Variants in RAB3GAP1 observed in about 807,000 individuals in gnomAD.
RAB3GAP1 encodes RAB3 GTPase activating protein catalytic subunit 1.
Under a neutral mutation model 130.7 loss-of-function variants are expected in RAB3GAP1, and 86 were observed. The ratio of observed to expected loss-of-function variants is 0.66; its 90% CI spans 0.55 to 0.79. The LOEUF (loss-of-function observed/expected upper bound fraction) is 0.79. RAB3GAP1 is among the 30% of genes least tolerant of loss of function. The probability of loss-of-function intolerance (pLI) is 0.00; values close to 1 mark genes in which losing one functional copy is unlikely to be tolerated. For missense variants in RAB3GAP1, 1,029 were observed against 1,169.4 expected (o/e 0.88, Z 1.75); for synonymous variants, 367 against 401.7 (o/e 0.91, Z 1.03).
chr2:135,127,835 T>C (rs1263686739), intron 11 of RAB3GAP1, among the ~76,000 whole-genome samples: 16 of 152,238 alleles, frequency 1.1e-4, no homozygotes, highest in Admixed American at 9.8e-4. Context: ...GATAATATTA[T>C]TGTGTCTTAT....
chr2:135,058,193 A>G, intron 3 of RAB3GAP1, 107 bp downstream of exon 3: 1 of 930,714 alleles, frequency 1.1e-6, no homozygotes, highest in Non-Finnish European at 1.7e-6. Context: ...TTTTAAAGTT[A>G]CGTATAATCT....
chr2:135,144,995 C>G (rs1223889892), intron 17 of RAB3GAP1, among the ~76,000 whole-genome samples: 1 of 152,118 alleles, frequency 6.6e-6, no homozygotes, highest in East Asian at 1.9e-4. Flanking sequence ...TGTAGAGTAA[C>G]AGTGGTTTAT....
chr2:135,116,716 T>C (rs1031917536), intron 7 of RAB3GAP1, among the ~76,000 whole-genome samples: 6 of 152,202 alleles, frequency 3.9e-5, no homozygotes, highest in Non-Finnish European at 8.8e-5. Context: ...TGATTTGTTA[T>C]GATGCCTGCC....
intron 23 of RAB3GAP1, 147 bp downstream of exon 23, chr2:135,164,843 G>T: frequency 1.5e-6 from 1 of 666,362 alleles, no homozygotes; most frequent in Admixed American, 2.1e-5. Context: ...AAGAAACAAT[G>T]ACTTCTGAGT....
At position 135,168,768 on chromosome 2, in the gene RAB3GAP1, C is replaced by T. The variant is rs1222487537; in HGVS notation, c.2933C>T (p.Thr978Ile). 20 of 1,610,874 alleles carry T rather than the reference C, an allele frequency of 1.2e-5. No homozygotes were observed. Among genetic ancestry groups the T allele is most frequent in the Non-Finnish European group, 1.7e-5 (20 of 1,177,024 alleles). The change falls in exon 24 of 24, where the codon ACT becomes ATT. Residue 978 changes from threonine (T) to isoleucine (I), a missense_variant. Thr to Ile is a moderately conservative substitution (Grantham distance 89). Coordinates refer to ENST00000264158, the MANE Select transcript of RAB3GAP1 (RefSeq NM_012233.3). ...FRLAGAFSSD[T>I]SFF ...CTTGCAGGTGCCTTTTCATCAGATACTTCCTTCTTCTGATTCTTCTAGCAT... is the reference window on the plus strand; with the variant it reads ...CTTGCAGGTGCCTTTTCATCAGATATTTCCTTCTTCTGATTCTTCTAGCAT...
intron 18 of RAB3GAP1, among the ~76,000 whole-genome samples, chr2:135,151,619 A>G (rs1407575659): frequency 2.0e-5 from 3 of 152,228 alleles, no homozygotes; most frequent in African/African-American, 7.2e-5. Flanking sequence ...TGCAAGTTCT[A>G]TACTGCCATG....
rs539285653 is a variant in RAB3GAP1 at position 135,081,083 on chromosome 2, A to G, written c.151-9915A>G. On this transcript the variant is annotated intron_variant, in intron 3 of 23. Coordinates refer to ENST00000264158, the MANE Select transcript of RAB3GAP1 (RefSeq NM_012233.3). ...AAATTTTGCCATGAAGCAAACGTTC[A>G]TTAGTGTTAAGACCATATTACGTAT... Among the ~76,000 whole-genome samples the G allele has an allele frequency of 3.9e-5, 6 of 152,046 alleles. No individual in the cohort carries two copies. In the East Asian group the frequency reaches 9.7e-4, roughly 25 times the overall value.
At chr2:135,137,185 A>G (rs758580218) in intron 17 of RAB3GAP1, 11 of 398,920 alleles carry the variant, frequency 2.8e-5, no homozygotes, top group Non-Finnish European at 3.9e-5. Flanking sequence ...TTGCATTCCA[A>G]TTTCATGTTG....
intron 3 of RAB3GAP1, among the ~76,000 whole-genome samples, chr2:135,063,075 C>A (rs1364260791): frequency 2.0e-5 from 3 of 152,076 alleles, no homozygotes; most frequent in Non-Finnish European, 4.4e-5. Flanking sequence ...GACATCCTTG[C>A]CCTCTTTAAA....
At position 135,091,818 on chromosome 2, in the gene RAB3GAP1, T is replaced by C. The variant is rs537043666; in HGVS notation, c.283+688T>C. Among the ~76,000 whole-genome samples the C allele has an allele frequency of 2.6e-5, 4 of 152,282 alleles. 1 individual carries two copies. The highest frequency in any genetic ancestry group is 9.6e-5 in the African/African-American group (4 of 41,574). ...TGTTAATAGGTCAAATCATCCAAAA[T>C]CTTCTGTCCTTAGATAAACTAGTGC... On this transcript the variant is annotated intron_variant, in intron 4 of 23. Coordinates refer to ENST00000264158, the MANE Select transcript of RAB3GAP1 (RefSeq NM_012233.3).
intron 3 of RAB3GAP1, among the ~76,000 whole-genome samples, chr2:135,084,764 G>C (rs913034922): frequency 6.6e-5 from 10 of 152,096 alleles, no homozygotes; most frequent in African/African-American, 2.4e-4. Context: ...GTTAAGTACC[G>C]GGGCTGCAAA....
intron 3 of RAB3GAP1, among the ~76,000 whole-genome samples, chr2:135,066,059 T>C (rs1197826249): frequency 1.3e-5 from 2 of 152,024 alleles, no homozygotes; most frequent in African/African-American, 4.8e-5. Context: ...AGGCGTGAGC[T>C]ACTGCACCCC....
At chr2:135,130,451 A>G (rs746756645) in intron 12 of RAB3GAP1, 101 bp from the exon 13 acceptor site, 168 of 1,018,590 alleles carry the variant, frequency 1.6e-4, no homozygotes, top group Admixed American at 6.3e-4. Context: ...ACACTAGTAA[A>G]AAGAATGAGT....
At chr2:135,144,649 A>T (rs1573594400) in intron 17 of RAB3GAP1, among the ~76,000 whole-genome samples, 1 of 152,236 alleles carries the variant, frequency 6.6e-6, no homozygotes, top group Admixed American at 6.5e-5. Flanking sequence ...CCTGCCTCTT[A>T]CCTGCCTAGG....
At chr2:135,171,457 G>A (rs1261060583), downstream of RAB3GAP1, among the ~76,000 whole-genome samples, 2 of 152,140 alleles carry the variant, frequency 1.3e-5, no homozygotes, top group Non-Finnish European at 2.9e-5. Flanking sequence ...AATTACAACT[G>A]CAATGTGTTT....
intron 13 of RAB3GAP1, 75 bp downstream of exon 13, chr2:135,130,796 G>C (rs1022834951): frequency 1.5e-6 from 2 of 1,366,292 alleles, no homozygotes; most frequent in African/African-American, 2.9e-5. Flanking sequence ...CCTTTTATGT[G>C]GTAGGCAGTG....
chr2:135,131,019 T>A (rs1691521274), intron 13 of RAB3GAP1, among the ~76,000 whole-genome samples: 1 of 152,110 alleles, frequency 6.6e-6, no homozygotes, highest in Admixed American at 6.5e-5. Context: ...TTGAGCTGAA[T>A]CTTGATGAAA....
chr2:135,130,442 C>T, intron 12 of RAB3GAP1, 110 bp from the exon 13 acceptor site: 1 of 888,060 alleles, frequency 1.1e-6, no homozygotes, highest in Non-Finnish European at 1.7e-6. Flanking sequence ...GACCATGTAA[C>T]ACTAGTAAAA....
chr2:135,137,110 C>G (rs1386740879), intron 17 of RAB3GAP1: 4 of 294,260 alleles, frequency 1.4e-5, no homozygotes, highest in Non-Finnish European at 2.6e-5. Context: ...AAGATTGATT[C>G]TAGGACTGTG....
Sources: allele counts gnomAD v4.1 joint callset (sites outside exome capture counted in the v4.1 genomes callset), GRCh38; gene constraint gnomAD v4.1.1; transcripts MANE v1.5; gene names NCBI Gene and HGNC (gene_info 2026-07-23, HGNC 2026-07-21).